Variants in TRIM3 observed in about 807,000 individuals in gnomAD.
TRIM3 encodes tripartite motif-containing protein 3.
A neutral mutation model predicts 66.6 loss-of-function variants in TRIM3; 13 were observed. The ratio of observed to expected loss-of-function variants is 0.20; its 90% confidence interval spans 0.13 to 0.31. The LOEUF is 0.31. Ranked by LOEUF, TRIM3 falls within the 10% of genes least tolerant of loss-of-function variation. The pLI is 1.00. For synonymous variants in TRIM3, 406 were observed against 411.7 expected (o/e 0.99, Z 0.17); for missense variants, 711 against 1,020.4 (o/e 0.70, Z 4.13).
At chr11:6,459,826 TAAG>T (rs1850145904) in intron 2 of TRIM3, among the ~76,000 whole-genome samples, 1 of 152,176 alleles carries the variant, frequency 6.6e-6, no homozygotes, top group East Asian at 1.9e-4. Flanking sequence ...TGACATTCAC[TAAG>T]ATGAGAAACA....
In TRIM3 at chr11:6,457,189, A is replaced by G; in HGVS notation, c.696+107T>C. On this transcript the variant is annotated intron_variant, in intron 5 of 11. Transcript: ENST00000345851. The surrounding 1 kb of genome is among the most constrained non-coding windows in gnomAD (Gnocchi z 4.5). The stretch of plus-strand genomic sequence containing the variant: ...TACCGAGGGCATGTCAGGAGGCAGA[A>G]TATCTAGGCTGGGGAATGGGGAGCT... 6.5e-7 allele frequency: 1 copy of G among 1,531,618 alleles called. No homozygotes were observed. The highest frequency in any genetic ancestry group is 8.8e-7 in the Non-Finnish European group (1 of 1,132,216). 94.9% of individuals were successfully genotyped at this position (1,531,618 alleles called of 1,614,324 possible). A position where few individuals can be genotyped will look rare whatever the true frequency, so the allele number is the denominator to read the frequency against.
Position 6,449,781 on chromosome 11 carries a change from C to T in TRIM3, c.1942-335G>A, listed in dbSNP as rs1367083295. 2.3e-5 allele frequency: 6 copies of T among 260,588 alleles called. No homozygotes were observed. In the Admixed American group the frequency reaches 2.9e-4, roughly 13 times the overall value. The allele number at this position is 260,588 out of a possible 1,614,324, so 16.1% of individuals were successfully genotyped here. On this transcript the variant is annotated intron_variant, in intron 10 of 11. Coordinates refer to ENST00000345851, the MANE Select transcript of TRIM3 (RefSeq NM_033278.4). This position sits in a 1 kb window ranked among gnomAD's most constrained non-coding sequence, Gnocchi z 5.3. The stretch of plus-strand genomic sequence containing the variant: ...TTGATAGGCCAATGAATTAACACAA[C>T]TCTTGATTCCATCTCAAATCCCTCT...
Position 6,449,553 on chromosome 11 carries a change from T to C in TRIM3, c.1942-107A>G. On this transcript the variant is annotated intron_variant, in intron 10 of 11. Transcript: ENST00000345851. The surrounding 1 kb of genome is among the most constrained non-coding windows in gnomAD (Gnocchi z 5.3). ...AGGGCTGAGAACCCCCACCCAGATCTACAGCTACAGCCCAAATCTGCTTCA... is the reference window on the plus strand; with the variant it reads ...AGGGCTGAGAACCCCCACCCAGATCCACAGCTACAGCCCAAATCTGCTTCA... 2 of 1,099,356 alleles carry C rather than the reference T, an allele frequency of 1.8e-6. No individual in the cohort carries two copies. Among genetic ancestry groups the C allele is most frequent in the East Asian group, 2.6e-5 (1 of 38,756 alleles). The allele number at this position is 1,099,356 out of a possible 1,614,324, so 68.1% of individuals were successfully genotyped here.
At position 6,457,107 on chromosome 11, in the gene TRIM3, G is replaced by A; in HGVS notation, c.697-78C>T. 1 of 1,537,208 alleles carries A rather than the reference G, an allele frequency of 6.5e-7. No homozygotes were observed. The highest frequency in any genetic ancestry group is 8.7e-7 in the Non-Finnish European group (1 of 1,143,014). Reference sequence around the variant, plus strand: ...CTGTGATTACTGAAGTTGTAGCACTGTGGCATAAAATACAAGAGGGTGCCT... The same window carrying A: ...CTGTGATTACTGAAGTTGTAGCACTATGGCATAAAATACAAGAGGGTGCCT... On this transcript the variant is annotated intron_variant, in intron 5 of 11. Coordinates refer to ENST00000345851, the MANE Select transcript of TRIM3 (RefSeq NM_033278.4). This position sits in a 1 kb window ranked among gnomAD's most constrained non-coding sequence, Gnocchi z 4.5.
intron 2 of TRIM3, 146 bp downstream of exon 2, chr11:6,465,419 G>A (rs556451922): frequency 2.2e-6 from 2 of 902,860 alleles, no homozygotes; most frequent in South Asian, 3.2e-5. Flanking sequence ...CCTGCAGGTT[G>A]GGGTTCACCT....
intron 2 of TRIM3, among the ~76,000 whole-genome samples, chr11:6,460,211 G>A (rs138600522): frequency 6.6e-6 from 1 of 152,200 alleles, no homozygotes; most frequent in Admixed American, 6.5e-5. Flanking sequence ...GTAAGGACAG[G>A]AAAATGTCCA....
In TRIM3 at chr11:6,449,452, G is replaced by A. The variant is rs750004607; in HGVS notation, c.1942-6C>T. On this transcript the variant is annotated splice_polypyrimidine_tract_variant and splice_region_variant and intron_variant, in intron 10 of 11. Transcript: ENST00000345851. This position sits in a 1 kb window ranked among gnomAD's most constrained non-coding sequence, Gnocchi z 5.3. The stretch of plus-strand genomic sequence containing the variant: ...TCTCCATCGGCACTGTACACCTGGC[G>A]GGGGAAGGGGCTAGGGACTGGGGAC... The A allele has an allele frequency of 7.4e-6, 12 of 1,612,030 alleles. No individual in the cohort carries two copies. Among genetic ancestry groups the A allele is most frequent in the African/African-American group, 4.0e-5 (3 of 74,884 alleles).
At position 6,451,150 on chromosome 11, in the gene TRIM3, G is replaced by T. The variant is rs1210438295; in HGVS notation, c.1702-90C>A. 16 of 1,589,290 alleles carry T rather than the reference G, an allele frequency of 1.0e-5. No homozygotes were observed. In the Admixed American group the frequency reaches 2.2e-4, roughly 22 times the overall value. ...TACCAAAGCAGAATCTTGGGCTGGGGAAAGAACAGGGAGTAGGAGGAGGTA... is the reference window on the plus strand; with the variant it reads ...TACCAAAGCAGAATCTTGGGCTGGGTAAAGAACAGGGAGTAGGAGGAGGTA... On this transcript the variant is annotated intron_variant, in intron 8 of 11. Coordinates refer to ENST00000345851, the MANE Select transcript of TRIM3 (RefSeq NM_033278.4).
At chr11:6,455,950 G>C (rs556591351) in intron 7 of TRIM3, 122 bp downstream of exon 7, 7 of 618,924 alleles carry the variant, frequency 1.1e-5, no homozygotes, top group African/African-American at 3.2e-5. Context: ...CTGCTCTTAA[G>C]GAACGGTACT....
chr11:6,451,755 T>C, intron 7 of TRIM3: 1 of 343,652 alleles, frequency 2.9e-6, no homozygotes, highest in South Asian at 3.1e-5. Context: ...GGAAAGGCAT[T>C]CAAGCAGAGT....
In TRIM3 at chr11:6,456,549, G is replaced by A. The variant is rs1457474771; in HGVS notation, c.1177C>T (p.Arg393Cys). ...GAGAGGAGCAGCTCGCCTTCCGTGC[G>A]CGCTGTGTACACTAGCTCATATGTG... is the stretch of plus-strand genomic sequence containing the variant. Reference protein sequence around the residue: ...NGTYELVYTARTEGELLLSVL... With the variant: ...NGTYELVYTACTEGELLLSVL... Residue 393 changes from arginine (R) to cysteine (C), a missense_variant, in exon 6 of 12, where the codon CGC (arginine) becomes TGC (cysteine). Around this residue, in one of 3 missense-constraint regions of TRIM3, gnomAD observed 399 missense variants for 458.1 expected, o/e 0.87. Coordinates refer to ENST00000345851, the MANE Select transcript of TRIM3 (RefSeq NM_033278.4). This position sits in a 1 kb window ranked among gnomAD's most constrained non-coding sequence, Gnocchi z 6.4. 2.5e-6 allele frequency: 4 copies of A among 1,607,468 alleles called. No individual in the cohort carries two copies. The highest frequency in any genetic ancestry group is 1.7e-5 in the Admixed American group (1 of 59,852).
chr11:6,465,020 A>C (rs989067277), intron 2 of TRIM3, among the ~76,000 whole-genome samples: 85 of 146,746 alleles, frequency 5.8e-4, no homozygotes, highest in African/African-American at 2.1e-3. Context: ...AAGAGTAAGG[A>C]TCTTATCTGT....
chr11:6,470,252 G>C (rs1850627695), intron 1 of TRIM3, among the ~76,000 whole-genome samples: 1 of 152,186 alleles, frequency 6.6e-6, no homozygotes, highest in Non-Finnish European at 1.5e-5. Context: ...TTTGCAGGGG[G>C]ATATCAACTG....
At position 6,456,534 on chromosome 11, in the gene TRIM3, G is replaced by A. The variant is rs2134179077; in HGVS notation, c.1192C>T (p.Leu398=). ...CCGTAGAGCAGCACCGAGAGGAGCA[G>A]CTCGCCTTCCGTGCGCGCTGTGTAC... ...LVYTARTEGE[L]LLSVLLYGQP... Residue 398 remains leucine (L), a synonymous_variant, in exon 6 of 12, where the codon CTG becomes TTG. Transcript: ENST00000345851. This position sits in a 1 kb window ranked among gnomAD's most constrained non-coding sequence, Gnocchi z 6.4. 1 of 1,595,338 alleles carries A rather than the reference G, an allele frequency of 6.3e-7. No individual in the cohort carries two copies. The highest frequency in any genetic ancestry group is 1.7e-4 in the Middle Eastern group (1 of 5,992).
intron 2 of TRIM3, 24 bp downstream of exon 2, chr11:6,465,541 T>C: frequency 6.2e-7 from 1 of 1,613,462 alleles, no homozygotes; most frequent in Non-Finnish European, 8.5e-7. Context: ...TCCTCATCCC[T>C]CCCCAGTACA....
At position 6,456,772 on chromosome 11, in the gene TRIM3, C is replaced by T. The variant is rs759445381; in HGVS notation, c.954G>A (p.Thr318=). 3.7e-6 allele frequency: 6 copies of T among 1,611,988 alleles called. No homozygotes were observed. Among genetic ancestry groups the T allele is most frequent in the Admixed American group, 3.3e-5 (2 of 60,012 alleles). ...SVLNLGALLT[T]SATAHETVAT... ...CCACCGTTTCGTGTGCAGTGGCGCT[C>T]GTGGTGAGCAGTGCGCCCAGATTGA... is the stretch of plus-strand genomic sequence containing the variant. The change falls in exon 6 of 12, where the codon ACG becomes ACA. Residue 318 remains threonine, a synonymous_variant. Coordinates refer to ENST00000345851, the MANE Select transcript of TRIM3 (RefSeq NM_033278.4). The surrounding 1 kb of genome is among the most constrained non-coding windows in gnomAD (Gnocchi z 6.4).
chr11:6,466,168 T>C (rs955785378), intron 1 of TRIM3, among the ~76,000 whole-genome samples: 1 of 152,216 alleles, frequency 6.6e-6, no homozygotes, highest in Non-Finnish European at 1.5e-5. Context: ...GTCTCTCCTC[T>C]AACTACCTGC....
At chr11:6,455,348 T>C (rs1051838490) in intron 7 of TRIM3, among the ~76,000 whole-genome samples, 2 of 152,178 alleles carry the variant, frequency 1.3e-5, no homozygotes, top group Non-Finnish European at 2.9e-5. Flanking sequence ...GTGTCTGGTT[T>C]CAGAGCCTGA....
intron 2 of TRIM3, among the ~76,000 whole-genome samples, chr11:6,460,898 CTTTTTTTTTTT>C (rs771919613): frequency 3.4e-4 from 25 of 74,282 alleles, no homozygotes; most frequent in Non-Finnish European, 4.9e-4. Context: ...TTTTTGGTGG[CTTTTTTTTTTT>C]TTTTTTTTTT....
Sources: gnomAD v4.1 joint callset for allele counts (sites outside exome capture counted in the v4.1 genomes callset) on GRCh38, gnomAD v4.1.1 for gene constraint, gnomAD v4.1.1 regional missense constraint, Gnocchi (gnomAD v3.1) non-coding constraint, MANE v1.5 for transcripts, NCBI Gene and HGNC (gene_info 2026-07-23, HGNC 2026-07-21) for gene names.